PCDH11Y: variants seen among roughly 807,000 people sequenced by gnomAD.
The protein encoded by PCDH11Y is protocadherin 11 Y-linked.
For missense variants in PCDH11Y, 12 were observed against 224.8 expected (o/e 0.05, Z 6.05); for synonymous variants, 9 against 83.6 (o/e 0.11, Z 4.87).
chrY:5,614,963 T>G, intron 4 of PCDH11Y, among the ~76,000 whole-genome samples: 1 of 31,641 alleles, frequency 3.2e-5, no homozygotes, highest in Non-Finnish European at 7.6e-5. Flanking sequence ...ACTTCTTACA[T>G]GGCAGCAGCA....
chrY:5,004,777 A>G, intron 1 of PCDH11Y, among the ~76,000 whole-genome samples: 1 of 34,358 alleles, frequency 2.9e-5, no homozygotes, highest in Non-Finnish European at 7.3e-5. Context: ...CACAAACTTT[A>G]ATTAGTCACC....
intron 3 of PCDH11Y, among the ~76,000 whole-genome samples, chrY:5,507,012 T>A: frequency 3.0e-5 from 1 of 33,048 alleles, no homozygotes; most frequent in African/African-American, 1.2e-4. Context: ...TACCAGTTTA[T>A]TTTAGTCCGT....
intron 2 of PCDH11Y, among the ~76,000 whole-genome samples, chrY:5,200,987 T>C (rs207480176): frequency 2.2e-3 from 75 of 34,002 alleles, no homozygotes; most frequent in African/African-American, 7.9e-3. Context: ...CATACTTTCT[T>C]TCTTCTATAA....
intron 2 of PCDH11Y, among the ~76,000 whole-genome samples, chrY:5,443,200 T>A (rs2124681970): frequency 3.1e-5 from 1 of 32,700 alleles, no homozygotes; most frequent in Non-Finnish European, 7.6e-5. Flanking sequence ...TCCAACAGTA[T>A]ACGAAAAGGA....
intron 4 of PCDH11Y, among the ~76,000 whole-genome samples, chrY:5,652,414 C>T: frequency 3.0e-5 from 1 of 33,029 alleles, no homozygotes; most frequent in African/African-American, 1.2e-4. Context: ...AGCCATAATA[C>T]TTGTGATGTT....
At chrY:5,575,341 A>G in intron 3 of PCDH11Y, among the ~76,000 whole-genome samples, 3 of 32,849 alleles carry the variant, frequency 9.1e-5, no homozygotes, top group Non-Finnish European at 1.5e-4. Context: ...ACTCAATAGG[A>G]AAAAAAGTGA....
intron 2 of PCDH11Y, among the ~76,000 whole-genome samples, chrY:5,135,871 A>G: frequency 3.2e-5 from 1 of 31,567 alleles, no homozygotes; most frequent in Non-Finnish European, 7.7e-5. Context: ...AGGCCAACCA[A>G]CTCAGGCCAT....
chrY:5,395,102 G>T, intron 2 of PCDH11Y, among the ~76,000 whole-genome samples: 1 of 32,965 alleles, frequency 3.0e-5, no homozygotes, highest in Non-Finnish European at 7.4e-5. Flanking sequence ...TAGCATCAGG[G>T]TATGAACAGA....
chrY:5,604,373 G>A, intron 4 of PCDH11Y, among the ~76,000 whole-genome samples: 1 of 32,754 alleles, frequency 3.1e-5, no homozygotes. Flanking sequence ...GGAGGAGAAA[G>A]ACAGCAAGGA....
intron 2 of PCDH11Y, among the ~76,000 whole-genome samples, chrY:5,482,244 G>A (rs1602932050): frequency 3.1e-5 from 1 of 32,617 alleles, no homozygotes. Flanking sequence ...TGATCCGCCC[G>A]CCTCAGCCTC....
chrY:5,668,703 A>G, intron 4 of PCDH11Y, among the ~76,000 whole-genome samples: 1 of 32,020 alleles, frequency 3.1e-5, no homozygotes, highest in African/African-American at 1.2e-4. Context: ...TGAGTTCTGA[A>G]ACAATAGAAA....
At chrY:5,590,115 C>T (rs2053459576) in intron 4 of PCDH11Y, among the ~76,000 whole-genome samples, 1 of 32,966 alleles carries the variant, frequency 3.0e-5, no homozygotes, top group Non-Finnish European at 7.8e-5. Context: ...GTCTCTCTCT[C>T]GCTCTCTGTT....
intron 2 of PCDH11Y, among the ~76,000 whole-genome samples, chrY:5,308,949 G>T (rs2053093702): frequency 3.2e-5 from 1 of 31,438 alleles, no homozygotes; most frequent in African/African-American, 1.3e-4. Context: ...GTGTGCTGGC[G>T]CATGCCTGTA....
chrY:5,622,614 T>C (rs2053501359), intron 4 of PCDH11Y, among the ~76,000 whole-genome samples: 4 of 32,700 alleles, frequency 1.2e-4, no homozygotes, highest in Non-Finnish European at 2.2e-4. Context: ...CATATGTTCA[T>C]TGAAGCACTA....
intron 3 of PCDH11Y, among the ~76,000 whole-genome samples, chrY:5,534,608 C>A (rs2053398165): frequency 3.0e-5 from 1 of 33,091 alleles, no homozygotes; most frequent in South Asian, 6.8e-4. Flanking sequence ...CATTGATGGG[C>A]ATTTACGTTG....
chrY:5,406,116 G>T, intron 2 of PCDH11Y, among the ~76,000 whole-genome samples: 1 of 29,562 alleles, frequency 3.4e-5, no homozygotes, highest in Non-Finnish European at 8.0e-5. Context: ...CTACCATAGG[G>T]CATTATGAAA....
chrY:5,695,934 G>A, intron 4 of PCDH11Y, among the ~76,000 whole-genome samples: 1 of 32,951 alleles, frequency 3.0e-5, no homozygotes, highest in South Asian at 6.7e-4. Flanking sequence ...CAGTTACAGT[G>A]TTATAATACT....
intron 2 of PCDH11Y, among the ~76,000 whole-genome samples, chrY:5,305,518 A>G (rs2124663769): frequency 9.1e-5 from 3 of 33,097 alleles, no homozygotes; most frequent in African/African-American, 3.5e-4. Context: ...TGGTGATAAA[A>G]ATGTCCTTCC....
chrY:5,142,213 A>G (rs2124642686), intron 2 of PCDH11Y, among the ~76,000 whole-genome samples: 2 of 31,188 alleles, frequency 6.4e-5, no homozygotes, highest in East Asian at 1.7e-3. Context: ...ACTATGAGAT[A>G]TCATCTCACA....
Sources: gnomAD v4.1 joint callset for allele counts (sites outside exome capture counted in the v4.1 genomes callset) on GRCh38, gnomAD v4.1.1 for gene constraint, MANE v1.5 for transcripts, NCBI Gene and HGNC (gene_info 2026-07-23, HGNC 2026-07-21) for gene names.